Variants in C5orf34 observed in about 807,000 individuals in gnomAD.
The protein encoded by C5orf34 is chromosome 5 open reading frame 34.
C5orf34 carries 73 observed loss-of-function variants against 78.4 expected under a neutral mutation model. That is an observed-to-expected ratio of 0.93 (90% CI 0.77 to 1.13). The LOEUF is 1.13. Ranked by LOEUF, C5orf34 falls within the 50% of genes most tolerant of loss-of-function variation. C5orf34 has a pLI of 0.00. For missense variants in C5orf34, 730 were observed against 732.7 expected (o/e 1.00, Z 0.04); for synonymous variants, 251 against 246.6 (o/e 1.02, Z -0.17).
intron 1 of C5orf34, among the ~76,000 whole-genome samples, chr5:43,513,862 A>C (rs1746374834): frequency 6.6e-6 from 1 of 152,218 alleles, no homozygotes; most frequent in Non-Finnish European, 1.5e-5. Flanking sequence ...TTCTTCATAG[A>C]ATCTATCATC....
At chr5:43,498,903 G>A (rs1338275521) in intron 6 of C5orf34, among the ~76,000 whole-genome samples, 2 of 152,134 alleles carry the variant, frequency 1.3e-5, no homozygotes, top group Admixed American at 1.3e-4. Flanking sequence ...TCCCATCTAT[G>A]TTTTGGCCTA....
intron 10 of C5orf34, 78 bp from the exon 11 acceptor site, chr5:43,490,807 A>G: frequency 1.4e-6 from 1 of 715,538 alleles, no homozygotes; most frequent in Non-Finnish European, 2.3e-6. Flanking sequence ...ATGTAAAAAT[A>G]AGACAATTTG....
intron 6 of C5orf34, among the ~76,000 whole-genome samples, chr5:43,498,671 C>T (rs1001910204): frequency 5.9e-5 from 9 of 152,202 alleles, no homozygotes; most frequent in Admixed American, 5.2e-4. Context: ...CTGGCCTTCA[C>T]TTGAACTACT....
intron 11 of C5orf34, among the ~76,000 whole-genome samples, chr5:43,489,075 C>T (rs10053229): frequency 0.49 from 73,810 of 151,794 alleles, 18,801 homozygotes; most frequent in Middle Eastern, 0.63. Flanking sequence ...CAACAACCAG[C>T]TGATTGTTCA....
intron 4 of C5orf34, among the ~76,000 whole-genome samples, chr5:43,505,281 G>A (rs1194455844): frequency 6.6e-6 from 1 of 152,212 alleles, no homozygotes; most frequent in Non-Finnish European, 1.5e-5. Context: ...CAAAGACACG[G>A]GTAGCCTCTG....
chr5:43,494,441 A>C (rs1363108494), intron 7 of C5orf34, 69 bp downstream of exon 7: 2 of 1,006,508 alleles, frequency 2.0e-6, no homozygotes, highest in Non-Finnish European at 3.0e-6. Context: ...TCTTATCCTT[A>C]ATCACAAGAA....
chr5:43,493,587 T>C lies in C5orf34; in HGVS notation c.1270A>G (p.Arg424Gly). 1 of 1,582,680 alleles carries C rather than the reference T, an allele frequency of 6.3e-7. No individual in the cohort carries two copies. The highest frequency in any genetic ancestry group is 8.6e-7 in the Non-Finnish European group (1 of 1,162,306). Residue 424 changes from arginine to glycine, a missense_variant, in exon 8 of 13, where the codon AGA becomes GGA. Physicochemically the swap from Arg to Gly is moderately radical, Grantham distance 125. Transcript: ENST00000306862. ...TRILQHCVKMRLSLSHNYRIC... is the reference protein window; with the variant it reads ...TRILQHCVKMGLSLSHNYRIC... The stretch of plus-strand genomic sequence containing the variant: ...CGATAGTTATGGCTTAAAGAAAGTC[T>C]CATCTTCACACAATGTTGAAGAATT...
intron 3 of C5orf34, 145 bp downstream of exon 3, chr5:43,508,431 AG>A (rs1320232575): frequency 2.0e-6 from 1 of 506,830 alleles, no homozygotes; most frequent in Non-Finnish European, 3.6e-6. Context: ...GAAAATGGCA[AG>A]GGGGATACAC....
At position 43,487,019 on chromosome 5, in the gene C5orf34, T is replaced by A. The variant is rs1223485296; in HGVS notation, c.1813A>T (p.Thr605Ser). The change falls in exon 13 of 13, where the codon ACC becomes TCC. Residue 605 changes from threonine to serine, a missense_variant. Coordinates refer to ENST00000306862, the MANE Select transcript of C5orf34 (RefSeq NM_198566.4). Reference protein sequence around the residue: ...FDHYKPGSSETLLGEVNENRV... With the variant: ...FDHYKPGSSESLLGEVNENRV... ...TTTTCATTAACTTCTCCTAGCAAGGTTTCTGAAGATCCTGGTTTATAATGA... is the reference window on the plus strand; with the variant it reads ...TTTTCATTAACTTCTCCTAGCAAGGATTCTGAAGATCCTGGTTTATAATGA... 1.3e-6 allele frequency: 2 copies of A among 1,591,872 alleles called. No homozygotes were observed. Among genetic ancestry groups the A allele is most frequent in the East Asian group, 2.3e-5 (1 of 43,544 alleles).
At chr5:43,497,600 T>A (rs937789535) in intron 6 of C5orf34, among the ~76,000 whole-genome samples, 1 of 152,184 alleles carries the variant, frequency 6.6e-6, no homozygotes, top group African/African-American at 2.4e-5. Flanking sequence ...TACAACCTTT[T>A]GTAAGCCTCA....
rs532998412 is a variant in C5orf34, at chr5:43,506,185, A to G, written c.495T>C (p.Asn165=). 1 of 1,614,082 alleles carries G rather than the reference A, an allele frequency of 6.2e-7. No individual in the cohort carries two copies. Among genetic ancestry groups the G allele is most frequent in the East Asian group, 2.2e-5 (1 of 44,878 alleles). ...CTAGTTTATCTTTTGGGGCTTTATT[A>G]TTTGTTTCTGACAACACTGCAGATG... ...SDSSAVLSET[N]NKAPKDKLVE... Residue 165 remains asparagine (N), a synonymous_variant, in exon 4 of 13, where the codon AAT becomes AAC. Transcript: ENST00000306862.
In C5orf34 at chr5:43,509,279, C is replaced by T. The variant is rs773899299; in HGVS notation, c.61G>A (p.Asp21Asn). Residue 21 changes from aspartate (D) to asparagine (N), a missense_variant, in exon 2 of 13, where the codon GAT (aspartate) becomes AAT (asparagine). Asp to Asn is a conservative substitution (Grantham distance 23, BLOSUM62 1). Transcript: ENST00000306862. ...GGAGAAAGTTGCAATGTGGAACCAT[C>T]AACATATTGTACTTGTACTGAATCA... ...EDDSVQVQYV[D>N]GSTLQLSPCG... The T allele has an allele frequency of 3.7e-6, 6 of 1,614,116 alleles. No homozygotes were observed. In the South Asian group the frequency reaches 5.5e-5, roughly 15 times the overall value.
chr5:43,501,767 A>G (rs959690720), intron 6 of C5orf34, among the ~76,000 whole-genome samples: 1 of 152,194 alleles, frequency 6.6e-6, no homozygotes, highest in African/African-American at 2.4e-5. Flanking sequence ...AAACATACTT[A>G]TTTTGTTCTA....
chr5:43,499,987 C>T (rs1745692501), intron 6 of C5orf34, among the ~76,000 whole-genome samples: 1 of 152,162 alleles, frequency 6.6e-6, no homozygotes, highest in African/African-American at 2.4e-5. Flanking sequence ...AGGCTAGATA[C>T]TGAGAAGCAG....
rs529114148 is a variant in C5orf34 at position 43,511,436 on chromosome 5, G to A, written c.-36-2061C>T. On this transcript the variant is annotated intron_variant, in intron 1 of 12. Transcript: ENST00000306862. ...TGGGGGGCGCCTCCGCCCGGCCGCC[G>A]CCCCAACCGGGAGGTGGGGGGCGCC... The A allele has an allele frequency of 1.9e-3, 293 of 153,320 alleles. 1 individual carries two copies. Among genetic ancestry groups the A allele is most frequent in the East Asian group, 0.016 (77 of 4,862 alleles). The allele number at this position is 153,320 out of a possible 1,614,324, so 9.5% of individuals were successfully genotyped here.
At chr5:43,497,518 G>T (rs989501175) in intron 6 of C5orf34, among the ~76,000 whole-genome samples, 6 of 152,008 alleles carry the variant, frequency 3.9e-5, no homozygotes, top group African/African-American at 1.4e-4. Context: ...AAGAAGAGGG[G>T]CTTCAAAGTC....
rs540426277 is a variant in C5orf34 at position 43,495,872 on chromosome 5, C to T, written c.1153-1271G>A. ...CGGCTCCAGCATGTTGTCACCATTC[C>T]AACCAGAAATTGGCACAAATGCTAC... On this transcript the variant is annotated intron_variant, in intron 6 of 12. Coordinates refer to ENST00000306862, the MANE Select transcript of C5orf34 (RefSeq NM_198566.4). 1,069 of 1,594,870 alleles carry T rather than the reference C, an allele frequency of 6.7e-4. 3 individuals carry two copies. The highest frequency in any genetic ancestry group is 3.1e-3 in the South Asian group (279 of 90,676).
In C5orf34 at chr5:43,506,300, G is replaced by T. The variant is rs759479790; in HGVS notation, c.380C>A (p.Ser127Tyr). Residue 127 changes from serine (S) to tyrosine (Y), a missense_variant, in exon 4 of 13, where the codon TCT (serine) becomes TAT (tyrosine). Ser to Tyr is a moderately radical substitution (Grantham distance 144). Coordinates refer to ENST00000306862, the MANE Select transcript of C5orf34 (RefSeq NM_198566.4). ...YMESGIVKIT[S>Y]LDGHAYLCLP... ...GCAGAGGTATGCATGACCATCTAAAGATGTTATCTTCACAATGCCACTCTC... is the reference window on the plus strand; with the variant it reads ...GCAGAGGTATGCATGACCATCTAAATATGTTATCTTCACAATGCCACTCTC... The T allele has an allele frequency of 1.9e-5, 30 of 1,613,960 alleles. No homozygotes were observed. In the Admixed American group the frequency reaches 4.3e-4, roughly 23 times the overall value.
intron 6 of C5orf34, chr5:43,495,531 A>G: frequency 2.5e-6 from 4 of 1,610,262 alleles, no homozygotes; most frequent in Non-Finnish European, 3.4e-6. Context: ...TTGACATTGA[A>G]GCCCACATTG....
Sources: gnomAD v4.1 joint callset for allele counts (sites outside exome capture counted in the v4.1 genomes callset) on GRCh38, gnomAD v4.1.1 for gene constraint, MANE v1.5 for transcripts, NCBI Gene and HGNC (gene_info 2026-07-23, HGNC 2026-07-21) for gene names.